CLEC16A: variants seen among roughly 807,000 people sequenced by gnomAD.
The protein encoded by CLEC16A is protein CLEC16A.
In CLEC16A, 51 loss-of-function variants were observed where a neutral mutation model predicts 109.5. The ratio of observed to expected loss-of-function variants is 0.47; its 90% confidence interval spans 0.37 to 0.59. The LOEUF (loss-of-function observed/expected upper bound fraction) is 0.59. Ranked by LOEUF, CLEC16A falls within the 20% of genes least tolerant of loss-of-function variation. The pLI is 0.00. For missense variants in CLEC16A, 1,339 were observed against 1,394.0 expected, an observed-to-expected ratio of 0.96 and a Z score of 0.63; for synonymous variants, 673 against 564.2, an observed-to-expected ratio of 1.19 and a Z score of -2.73.
chr16:10,985,596 G>A (rs948421418), intron 10 of CLEC16A, among the ~76,000 whole-genome samples: 1 of 151,346 alleles, frequency 6.6e-6, no homozygotes, highest in Non-Finnish European at 1.5e-5. Flanking sequence ...GATAGCTGCC[G>A]TGGCTTCATC....
intron 10 of CLEC16A, among the ~76,000 whole-genome samples, chr16:10,990,186 G>A (rs1211061325): frequency 6.6e-6 from 1 of 152,200 alleles, no homozygotes; most frequent in Admixed American, 6.5e-5. Context: ...AGAGCTTGGT[G>A]TATATTCTCC....
chr16:11,128,112 G>A (rs965721040), intron 22 of CLEC16A, among the ~76,000 whole-genome samples: 1 of 152,182 alleles, frequency 6.6e-6, no homozygotes, highest in African/African-American at 2.4e-5. Flanking sequence ...GGGTCATTGA[G>A]GCGTCTTTCA....
chr16:11,072,977 G>A (rs1331305047), intron 19 of CLEC16A, among the ~76,000 whole-genome samples: 2 of 152,210 alleles, frequency 1.3e-5, no homozygotes, highest in Non-Finnish European at 2.9e-5. Flanking sequence ...TGATTGAAGA[G>A]CTGAAACCAC....
chr16:11,055,605 T>C (rs374180311), intron 18 of CLEC16A, among the ~76,000 whole-genome samples: 239 of 141,380 alleles, frequency 1.7e-3, no homozygotes, highest in African/African-American at 6.2e-3. Flanking sequence ...TTTTTTTTTT[T>C]TGAGACGAGT....
intron 11 of CLEC16A, among the ~76,000 whole-genome samples, chr16:11,013,105 G>A (rs1490110322): frequency 6.6e-6 from 1 of 152,148 alleles, no homozygotes; most frequent in African/African-American, 2.4e-5. Flanking sequence ...ACCAGAATAT[G>A]TGGCAAAAAC....
intron 19 of CLEC16A, among the ~76,000 whole-genome samples, chr16:11,092,080 C>T (rs1401246895): frequency 6.6e-6 from 1 of 152,172 alleles, no homozygotes; most frequent in Non-Finnish European, 1.5e-5. Flanking sequence ...CACAGTGGCT[C>T]ACGCCTGTAA....
chr16:11,123,610 G>A, intron 20 of CLEC16A, 132 bp from the exon 21 acceptor site: 1 of 824,478 alleles, frequency 1.2e-6, no homozygotes, highest in South Asian at 1.7e-5. Flanking sequence ...GGACTTGGGA[G>A]GCTGTCGATC....
At chr16:11,007,320 T>C (rs1039321063) in intron 11 of CLEC16A, among the ~76,000 whole-genome samples, 3 of 152,178 alleles carry the variant, frequency 2.0e-5, no homozygotes, top group Non-Finnish European at 4.4e-5. Context: ...GCCTTTTTCT[T>C]TTTCTTTTGG....
rs2047225612 is a variant in CLEC16A, at chr16:11,039,873, C to T, written c.1657C>T (p.Pro553Ser). The T allele has an allele frequency of 1.2e-6, 2 of 1,612,198 alleles. No individual in the cohort carries two copies. Among genetic ancestry groups the T allele is most frequent in the Non-Finnish European group, 1.7e-6 (2 of 1,179,192 alleles). ...CAGGATCATGAACAACGCTGCCCAG[C>T]CAGGTGCCCACTTGGGGTGTTGTCT... ...LIRIMNNAAQ[P>S]DGKIRLATLE... The change falls in exon 14 of 24, where the codon CCA (proline) becomes TCA (serine). Residue 553 changes from proline (P) to serine (S), a missense_variant. Pro to Ser is a moderately conservative substitution (Grantham distance 74). This residue lies in a region of CLEC16A where 1,061 missense variants were observed against 1,006.8 expected (regional missense o/e 1.05). Transcript: ENST00000409790.
At chr16:10,969,807 T>C (rs972886511) in intron 4 of CLEC16A, among the ~76,000 whole-genome samples, 3 of 152,214 alleles carry the variant, frequency 2.0e-5, no homozygotes, top group Admixed American at 6.5e-5. Flanking sequence ...CTGTGTCACC[T>C]TAAGGAAGTC....
chr16:10,987,706 T>C (rs2043758631), intron 10 of CLEC16A, among the ~76,000 whole-genome samples: 1 of 152,248 alleles, frequency 6.6e-6, no homozygotes, highest in Non-Finnish European at 1.5e-5. Flanking sequence ...ACTTGTTTGA[T>C]AATAGTCCTG....
chr16:11,041,427 C>G (rs1337539839), intron 14 of CLEC16A: 1 of 152,204 alleles, frequency 6.6e-6, no homozygotes, highest in African/African-American at 2.4e-5. Flanking sequence ...TAGCTTCAGG[C>G]AAAGCTGGAT....
In CLEC16A at chr16:11,113,397, G is replaced by A. The variant is rs370764735; in HGVS notation, c.2117-7218G>A. 5.3e-5 allele frequency among the ~76,000 whole-genome samples: 8 copies of A among 152,166 alleles called. No individual in the cohort carries two copies. In the South Asian group the frequency reaches 1.0e-3, roughly 20 times the overall value. ...AGAGCAGTGTGTAGAAACTAAAATC[G>A]GCCTGTAATTCCAGCACTTTGGGAG... On this transcript the variant is annotated intron_variant, in intron 19 of 23. Coordinates refer to ENST00000409790, the MANE Select transcript of CLEC16A (RefSeq NM_015226.3).
chr16:11,071,753 ATTT>A (rs71136611), intron 19 of CLEC16A, among the ~76,000 whole-genome samples: 1 of 61,290 alleles, frequency 1.6e-5, no homozygotes. Context: ...CACCTGGCTG[ATTT>A]TTTTTTTTTT....
intron 16 of CLEC16A, 46 bp from the exon 17 acceptor site, chr16:11,047,244 GAA>G: frequency 6.5e-7 from 1 of 1,531,822 alleles, no homozygotes; most frequent in South Asian, 1.2e-5. Flanking sequence ...GTTGTTTATG[GAA>G]AAAAATATGA....
chr16:11,158,923 G>GAA (rs969699668), intron 22 of CLEC16A, among the ~76,000 whole-genome samples: 3 of 139,438 alleles, frequency 2.2e-5, no homozygotes, highest in African/African-American at 8.0e-5. Flanking sequence ...CCAGCTCAGG[G>GAA]AAAAAAAAAA....
chr16:11,124,769 G>A (rs1374982868), intron 21 of CLEC16A, among the ~76,000 whole-genome samples: 2 of 152,180 alleles, frequency 1.3e-5, no homozygotes, highest in African/African-American at 4.8e-5. Flanking sequence ...GGATGTGGGG[G>A]TGCTTTCTCA....
At chr16:10,996,380 T>C (rs2152736892) in intron 10 of CLEC16A, among the ~76,000 whole-genome samples, 1 of 152,208 alleles carries the variant, frequency 6.6e-6, no homozygotes, top group East Asian at 1.9e-4. Context: ...GGTCCAAGGG[T>C]ACCACCACTG....
chr16:11,168,120 C>T (rs1401722524), intron 23 of CLEC16A, among the ~76,000 whole-genome samples: 3 of 152,186 alleles, frequency 2.0e-5, no homozygotes, highest in African/African-American at 7.2e-5. Context: ...GGCAAAGACC[C>T]ACAGTATCAA....
Sources: gnomAD v4.1 joint callset for allele counts (sites outside exome capture counted in the v4.1 genomes callset) on GRCh38, gnomAD v4.1.1 for gene constraint, gnomAD v4.1.1 regional missense constraint, MANE v1.5 for transcripts, NCBI Gene and HGNC (gene_info 2026-07-23, HGNC 2026-07-21) for gene names.